ASXL3: variants seen among roughly 807,000 people sequenced by gnomAD.
ASXL3 encodes ASXL transcriptional regulator 3.
A neutral mutation model predicts 170.6 loss-of-function variants in ASXL3; 34 were observed. The ratio of observed to expected loss-of-function variants is 0.20; its 90% CI spans 0.15 to 0.27. ASXL3 has a LOEUF of 0.27. ASXL3 is among the 10% of genes least tolerant of loss of function. The probability of loss-of-function intolerance (pLI) is 1.00; values close to 1 mark genes in which losing one functional copy is unlikely to be tolerated. For missense variants in ASXL3, 2,592 were observed against 2,695.3 expected (o/e 0.96, Z 0.85); for synonymous variants, 1,002 against 989.1 (o/e 1.01, Z -0.24).
intron 5 of ASXL3, among the ~76,000 whole-genome samples, chr18:33,662,074 GT>G (rs374770693): frequency 6.6e-6 from 1 of 152,024 alleles, no homozygotes; most frequent in Non-Finnish European, 1.5e-5. Flanking sequence ...TAACATCTAT[GT>G]TTTTTGTGCT....
At chr18:33,655,956 T>G (rs1340136486) in intron 4 of ASXL3, among the ~76,000 whole-genome samples, 1 of 152,164 alleles carries the variant, frequency 6.6e-6, no homozygotes, top group Admixed American at 6.6e-5. Flanking sequence ...TTTGAAAACA[T>G]TTTTTAAAAA....
rs2065064889 is a variant in ASXL3, at chr18:33,590,111, G to GTTTTTTTTTTTTTTGTT, written c.54+11440_54+11441insGTTTTTTTTTTTTTTTT. ...TGTCGTCAAGGTATTTGCTTTCTATGTTTTTTTTTTTTTTTTTTTGCTTTG... is the reference window on the plus strand; with the variant it reads ...TGTCGTCAAGGTATTTGCTTTCTATGTTTTTTTTTTTTTTGTTTTTTTTTTTTTTTTTTTTTGCTTTG... On this transcript the variant is annotated intron_variant, in intron 1 of 11. Coordinates refer to ENST00000269197, the MANE Select transcript of ASXL3 (RefSeq NM_030632.3). 4.8e-5 allele frequency among the ~76,000 whole-genome samples: 4 copies of GTTTTTTTTTTTTTTGTT among 83,184 alleles called. 1 individual carries two copies. Among genetic ancestry groups the GTTTTTTTTTTTTTTGTT allele is most frequent in the African/African-American group, 2.7e-4 (4 of 14,548 alleles). The allele number at this position is 83,184 out of a possible 152,430, so 54.6% of individuals were successfully genotyped here.
At chr18:33,582,881 A>G (rs914104887) in intron 1 of ASXL3, among the ~76,000 whole-genome samples, 4 of 152,124 alleles carry the variant, frequency 2.6e-5, no homozygotes, top group Admixed American at 6.6e-5. Flanking sequence ...AATTTGGTAA[A>G]TCATATTGTG....
intron 8 of ASXL3, among the ~76,000 whole-genome samples, chr18:33,721,581 A>G (rs1043600543): frequency 3.3e-4 from 50 of 152,206 alleles, no homozygotes; most frequent in African/African-American, 1.1e-3. Context: ...TATGACATCT[A>G]CTTTAAAACT....
At chr18:33,657,176 G>C (rs569484294) in intron 4 of ASXL3, among the ~76,000 whole-genome samples, 1 of 152,186 alleles carries the variant, frequency 6.6e-6, no homozygotes, top group East Asian at 1.9e-4. Flanking sequence ...GAAGCTTTGG[G>C]GGAAGCTGTT....
At chr18:33,609,544 T>C (rs1599391280) in intron 2 of ASXL3, among the ~76,000 whole-genome samples, 1 of 152,152 alleles carries the variant, frequency 6.6e-6, no homozygotes, top group East Asian at 1.9e-4. Flanking sequence ...CAGAATGGTA[T>C]ATAAGAGGGC....
chr18:33,658,504 T>C (rs1329132975), intron 4 of ASXL3, among the ~76,000 whole-genome samples: 1 of 152,162 alleles, frequency 6.6e-6, no homozygotes, highest in African/African-American at 2.4e-5. Flanking sequence ...AATTTAAAAA[T>C]GTGTATGAGC....
chr18:33,623,129 A>G (rs2065541960), intron 2 of ASXL3, among the ~76,000 whole-genome samples: 1 of 152,162 alleles, frequency 6.6e-6, no homozygotes, highest in Non-Finnish European at 1.5e-5. Flanking sequence ...GCCTAATTCA[A>G]ATGTCACATA....
intron 5 of ASXL3, among the ~76,000 whole-genome samples, chr18:33,665,850 T>G (rs529716726): frequency 6.6e-6 from 1 of 152,294 alleles, no homozygotes; most frequent in South Asian, 2.1e-4. Flanking sequence ...TCCTTGCACT[T>G]AGAGCCAGAA....
Position 33,750,444 on chromosome 18 carries a change from GCTTTA to G in ASXL3, c.*3853_*3857del, listed in dbSNP as rs2067866746. The G allele has an allele frequency of 6.6e-6, 1 of 151,782 alleles. No individual in the cohort carries two copies. The highest frequency in any genetic ancestry group is 1.5e-5 in the Non-Finnish European group (1 of 67,992). The allele number at this position is 151,782 out of a possible 1,614,324, so 9.4% of individuals were successfully genotyped here. Reference sequence around the variant, plus strand: ...TGTTCTTGAATGTTTCAAAGAAAGTGCTTTACTTGGTTGCCATAATTTTCTTGTAC... The same window carrying G: ...TGTTCTTGAATGTTTCAAAGAAAGTGCTTGGTTGCCATAATTTTCTTGTAC... On this transcript the variant is annotated 3_prime_UTR_variant, in exon 12 of 12. Transcript: ENST00000269197.
chr18:33,590,111 GTTTT>G (rs567969303), intron 1 of ASXL3, among the ~76,000 whole-genome samples: 3 of 83,182 alleles, frequency 3.6e-5, no homozygotes, highest in African/African-American at 6.9e-5. Flanking sequence ...TGCTTTCTAT[GTTTT>G]TTTTTTTTTT....
chr18:33,744,336 C>T lies in ASXL3; in HGVS notation c.4488C>T (p.Ala1496=), dbSNP rs753734312. ...CTGTCTCCGTTGAAAGCTCAGAAGC[C>T]AGCTTGGACCTGCAGGGCAGACCAG... ...SLTVSVESSE[A]SLDLQGRPVR... Residue 1496 remains alanine (A), a synonymous_variant, in exon 12 of 12, where the codon GCC becomes GCT. Coordinates refer to ENST00000269197, the MANE Select transcript of ASXL3 (RefSeq NM_030632.3). 6.2e-7 allele frequency: 1 copy of T among 1,614,022 alleles called. No individual in the cohort carries two copies. The highest frequency in any genetic ancestry group is 8.5e-7 in the Non-Finnish European group (1 of 1,179,894).
intron 8 of ASXL3, among the ~76,000 whole-genome samples, chr18:33,724,567 G>A (rs1351231831): frequency 6.6e-6 from 1 of 152,048 alleles, no homozygotes; most frequent in Non-Finnish European, 1.5e-5. Flanking sequence ...GGGAATAGTT[G>A]TTCTATGAGA....
chr18:33,651,751 C>T (rs1261176300), intron 4 of ASXL3, among the ~76,000 whole-genome samples: 1 of 152,024 alleles, frequency 6.6e-6, no homozygotes, highest in Non-Finnish European at 1.5e-5. Flanking sequence ...TAGTTTGATT[C>T]CAGTCATTAA....
intron 8 of ASXL3, among the ~76,000 whole-genome samples, chr18:33,693,678 G>A (rs1220113425): frequency 1.3e-5 from 2 of 151,804 alleles, no homozygotes; most frequent in South Asian, 2.1e-4. Flanking sequence ...GAGAAGAGAT[G>A]GCAGTGGACA....
At position 33,743,835 on chromosome 18, in the gene ASXL3, T is replaced by C; in HGVS notation, c.3987T>C (p.Ser1329=). Residue 1329 remains serine, a synonymous_variant, in exon 12 of 12, where the codon AGT becomes AGC. Transcript: ENST00000269197. ...DDKQLLISSS[S]ASNLVSTQYT... The stretch of plus-strand genomic sequence containing the variant: ...AGCAGTTACTAATATCAAGCAGCAG[T>C]GCTAGTAACTTAGTCTCCACTCAGT... The C allele has an allele frequency of 3.1e-6, 5 of 1,614,032 alleles. No individual in the cohort carries two copies. The highest frequency in any genetic ancestry group is 4.2e-6 in the Non-Finnish European group (5 of 1,179,902).
chr18:33,713,343 C>T (rs528589085), intron 8 of ASXL3, among the ~76,000 whole-genome samples: 3 of 79,180 alleles, frequency 3.8e-5, no homozygotes, highest in South Asian at 3.7e-4. Flanking sequence ...CAACCTCCAC[C>T]CCCCCCCGGG....
rs757024151 is a variant in ASXL3 at position 33,748,789 on chromosome 18, A to G, written c.*2194A>G. The G allele has an allele frequency of 3.3e-5, 5 of 152,232 alleles. No individual in the cohort carries two copies. Among genetic ancestry groups the G allele is most frequent in the Non-Finnish European group, 7.3e-5 (5 of 68,068 alleles). 9.4% of individuals were successfully genotyped at this position (152,232 alleles called of 1,614,324 possible). A position where few individuals can be genotyped will look rare whatever the true frequency, so the allele number is the denominator to read the frequency against. ...TATACCAGTGTCAGATACTGTCTACACCAGCAAATTGAAAACCATCACATC... is the reference window on the plus strand; with the variant it reads ...TATACCAGTGTCAGATACTGTCTACGCCAGCAAATTGAAAACCATCACATC... On this transcript the variant is annotated 3_prime_UTR_variant, in exon 12 of 12. Coordinates refer to ENST00000269197, the MANE Select transcript of ASXL3 (RefSeq NM_030632.3).
In ASXL3 at chr18:33,729,795, A is replaced by G. The variant is rs1240396431; in HGVS notation, c.880-2173A>G. Reference sequence around the variant, plus strand: ...GGCACTTCTACTAGAAGTGGCCCAGACCGCCATCCCTGAGGAGTTTGAGCC... The same window carrying G: ...GGCACTTCTACTAGAAGTGGCCCAGGCCGCCATCCCTGAGGAGTTTGAGCC... On this transcript the variant is annotated intron_variant, in intron 8 of 11. Coordinates refer to ENST00000269197, the MANE Select transcript of ASXL3 (RefSeq NM_030632.3). Among the ~76,000 whole-genome samples, 5 of 152,102 alleles carry G rather than the reference A, an allele frequency of 3.3e-5. No individual in the cohort carries two copies. The East Asian group carries it at 9.7e-4, about 30-fold the overall frequency.
Sources: allele counts gnomAD v4.1 joint callset (sites outside exome capture counted in the v4.1 genomes callset), GRCh38; gene constraint gnomAD v4.1.1; transcripts MANE v1.5; gene names NCBI Gene and HGNC (gene_info 2026-07-23, HGNC 2026-07-21).